PCDHGB5: variants seen among roughly 807,000 people sequenced by gnomAD.
PCDHGB5 encodes the protein protocadherin gamma-B5.
In PCDHGB5, 48 loss-of-function variants were observed where a neutral mutation model predicts 62.9. The ratio of observed to expected loss-of-function variants is 0.76; its 90% CI spans 0.61 to 0.97. PCDHGB5 has a LOEUF of 0.97. Ranked by LOEUF, PCDHGB5 falls within the 50% of genes least tolerant of loss-of-function variation. The pLI is 0.00. For synonymous variants in PCDHGB5, 474 were observed against 511.2 expected (o/e 0.93, Z 0.98); for missense variants, 1,118 against 1,198.6 (o/e 0.93, Z 0.99).
intron 1 of PCDHGB5, among the ~76,000 whole-genome samples, chr5:141,455,967 A>T (rs965245893): frequency 2.7e-5 from 4 of 150,838 alleles, no homozygotes; most frequent in Non-Finnish European, 4.4e-5. Flanking sequence ...GCGCGATCTC[A>T]GCTCACTGCA....
In PCDHGB5 at chr5:141,476,466, A is replaced by C. The variant is rs771760524; in HGVS notation, c.2398-18341A>C. The C allele has an allele frequency of 6.2e-7, 1 of 1,613,996 alleles. No individual in the cohort carries two copies. Reference sequence around the variant, plus strand: ...GAGTTGGTAGTGGAGAACCCGCTGGAGCTGTTCAGCGTGGAAGTGGTGATC... The same window carrying C: ...GAGTTGGTAGTGGAGAACCCGCTGGCGCTGTTCAGCGTGGAAGTGGTGATC... On this transcript the variant is annotated intron_variant, in intron 1 of 3. Transcript: ENST00000617380. This position sits in a 1 kb window ranked among gnomAD's most constrained non-coding sequence, Gnocchi z 7.6.
chr5:141,415,322 T>G (rs1226384298), intron 1 of PCDHGB5: 2 of 1,614,104 alleles, frequency 1.2e-6, no homozygotes, highest in South Asian at 2.2e-5. Flanking sequence ...ATCGTGCTGC[T>G]GGCGCACAGG....
At chr5:141,415,095 C>T (rs1045755927) in intron 1 of PCDHGB5, 1 of 1,613,584 alleles carries the variant, frequency 6.2e-7, no homozygotes, top group Non-Finnish European at 8.5e-7. Context: ...TGGACAGAGA[C>T]GCGCTCAAGC....
intron 1 of PCDHGB5, among the ~76,000 whole-genome samples, chr5:141,425,812 G>A (rs1472168775): frequency 6.6e-6 from 1 of 152,054 alleles, no homozygotes; most frequent in African/African-American, 2.4e-5. Context: ...CTTCTGCTTA[G>A]AAAAAAACAA....
chr5:141,433,328 G>A (rs965877578), intron 1 of PCDHGB5: 3 of 724,464 alleles, frequency 4.1e-6, no homozygotes, highest in African/African-American at 3.6e-5. Context: ...GGTGTAACAG[G>A]GACTACAGGT....
At chr5:141,454,331 T>G (rs1244660733) in intron 1 of PCDHGB5, among the ~76,000 whole-genome samples, 1 of 152,180 alleles carries the variant, frequency 6.6e-6, no homozygotes, top group Non-Finnish European at 1.5e-5. Context: ...CAAGAATAAA[T>G]AAAATGTTGG....
chr5:141,482,574 A>C (rs1294997781), intron 1 of PCDHGB5, among the ~76,000 whole-genome samples: 2 of 151,592 alleles, frequency 1.3e-5, no homozygotes, highest in Non-Finnish European at 2.9e-5. Context: ...GCATAGCATA[A>C]GATGCAGTGG....
chr5:141,499,037 G>A (rs912832519), intron 2 of PCDHGB5, among the ~76,000 whole-genome samples: 1 of 150,904 alleles, frequency 6.6e-6, no homozygotes, highest in South Asian at 2.1e-4. Context: ...AGAAAAGAAA[G>A]AAAAAGGGAG....
rs1379023118 is a variant in PCDHGB5, at chr5:141,487,609, G to A, written c.2398-7198G>A. ...GCCCACCCTCTGATCTTCTCTATGG[G>A]CTAGAGGTGAGACCTTTGCAGGCTC... On this transcript the variant is annotated intron_variant, in intron 1 of 3. Transcript: ENST00000617380. The surrounding 1 kb of genome is among the most constrained non-coding windows in gnomAD (Gnocchi z 5.0). 1 of 1,614,202 alleles carries A rather than the reference G, an allele frequency of 6.2e-7. No individual in the cohort carries two copies. The highest frequency in any genetic ancestry group is 1.1e-5 in the South Asian group (1 of 91,084).
At chr5:141,401,815 C>A (rs1217081146) in intron 1 of PCDHGB5, among the ~76,000 whole-genome samples, 1 of 152,184 alleles carries the variant, frequency 6.6e-6, no homozygotes, top group Non-Finnish European at 1.5e-5. Context: ...GGGTTCCTTA[C>A]AAAGTGCTGA....
At chr5:141,483,603 A>T (rs1277479077) in intron 1 of PCDHGB5, among the ~76,000 whole-genome samples, 1 of 152,054 alleles carries the variant, frequency 6.6e-6, no homozygotes, top group Non-Finnish European at 1.5e-5. Context: ...AGGCTGGTTT[A>T]CACCTCCATC....
chr5:141,419,794 T>G, intron 1 of PCDHGB5: 1 of 1,614,048 alleles, frequency 6.2e-7, no homozygotes, highest in Non-Finnish European at 8.5e-7. Flanking sequence ...TGCTAGTCGC[T>G]GTAAGAGATG....
rs765534200 is a variant in PCDHGB5 at position 141,410,067 on chromosome 5, G to A, written c.2397+9543G>A. 8.1e-6 allele frequency: 13 copies of A among 1,612,846 alleles called. No individual in the cohort carries two copies. In the South Asian group the frequency reaches 1.3e-4, roughly 16 times the overall value. ...CCCGGACTCTTCAGCCTGGGGCTGC[G>A]CACTGGGGAGGTGCGCACGGCTCGA... is the stretch of plus-strand genomic sequence containing the variant. On this transcript the variant is annotated intron_variant, in intron 1 of 3. Transcript: ENST00000617380.
At chr5:141,403,585 C>A in intron 1 of PCDHGB5, 1 of 1,613,894 alleles carries the variant, frequency 6.2e-7, no homozygotes, top group South Asian at 1.1e-5. Context: ...ACCACCTGGT[C>A]CTCACGGCCT....
chr5:141,489,951 T>C lies in PCDHGB5; in HGVS notation c.2398-4856T>C. On this transcript the variant is annotated intron_variant, in intron 1 of 3. Coordinates refer to ENST00000617380, the MANE Select transcript of PCDHGB5 (RefSeq NM_018925.3). The surrounding 1 kb of genome is among the most constrained non-coding windows in gnomAD (Gnocchi z 4.5). ...CTGTCATCGTGCTGGACATCAATGATAATGCTCCAACCTTCCAATCCTCAG... is the reference window on the plus strand; with the variant it reads ...CTGTCATCGTGCTGGACATCAATGACAATGCTCCAACCTTCCAATCCTCAG... 6.2e-7 allele frequency: 1 copy of C among 1,614,210 alleles called. No homozygotes were observed. Among genetic ancestry groups the C allele is most frequent in the Non-Finnish European group, 8.5e-7 (1 of 1,180,032 alleles).
At chr5:141,478,247 G>T in intron 1 of PCDHGB5, 1 of 1,614,076 alleles carries the variant, frequency 6.2e-7, no homozygotes, top group Non-Finnish European at 8.5e-7. Context: ...CACAGTGTTC[G>T]GAGTAATCAT....
chr5:141,496,766 CT>C (rs1361332988), intron 2 of PCDHGB5, among the ~76,000 whole-genome samples: 1 of 152,068 alleles, frequency 6.6e-6, no homozygotes, highest in Non-Finnish European at 1.5e-5. Context: ...TATCGAGCAT[CT>C]ACTATGAGCA....
chr5:141,427,839 G>T, intron 1 of PCDHGB5: 1 of 1,547,310 alleles, frequency 6.5e-7, no homozygotes, highest in Non-Finnish European at 8.8e-7. Flanking sequence ...GCGTGCCTTC[G>T]ACCACGAGCA....
Position 141,490,778 on chromosome 5 carries a change from A to T in PCDHGB5, c.2398-4029A>T, listed in dbSNP as rs964301520. The T allele has an allele frequency of 5.6e-6, 9 of 1,614,098 alleles. No individual in the cohort carries two copies. The highest frequency in any genetic ancestry group is 7.6e-6 in the Non-Finnish European group (9 of 1,179,962). On this transcript the variant is annotated intron_variant, in intron 1 of 3. Transcript: ENST00000617380. This position sits in a 1 kb window ranked among gnomAD's most constrained non-coding sequence, Gnocchi z 5.4. ...TCCTTTGTGTATGTCAACCCAGAGG[A>T]TGGACGGATCTTTGCCCAGCGTACC... is the stretch of plus-strand genomic sequence containing the variant.
Sources: allele counts gnomAD v4.1 joint callset (sites outside exome capture counted in the v4.1 genomes callset), GRCh38; gene constraint gnomAD v4.1.1; non-coding constraint Gnocchi (gnomAD v3.1); transcripts MANE v1.5; gene names NCBI Gene and HGNC (gene_info 2026-07-23, HGNC 2026-07-21).